The following TAAR2 variants were observed in gnomAD, a reference collection of about 807,000 sequenced individuals.
The protein encoded by TAAR2 is trace amine-associated receptor 2.
TAAR2 carries 30 observed loss-of-function variants against 25.5 expected under a neutral mutation model. The observed-to-expected ratio is 1.18, with a 90% CI of 0.88 to 1.60. The LOEUF (loss-of-function observed/expected upper bound fraction) is 1.60, where lower values mean the gene tolerates loss of function less well. TAAR2 is among the 40% of genes most tolerant of loss of function. The pLI, the probability that TAAR2 is intolerant of heterozygous loss-of-function variation, is 0.00. For missense variants in TAAR2, 481 were observed against 416.5 expected, an observed-to-expected ratio of 1.15 and a Z score of -1.35; for synonymous variants, 150 against 142.4, an observed-to-expected ratio of 1.05 and a Z score of -0.38.
intron 1 of TAAR2, 67 bp downstream of exon 1, chr6:132,624,149 A>G (rs896841482): frequency 6.4e-5 from 93 of 1,444,954 alleles, no homozygotes; most frequent in Non-Finnish European, 8.4e-5. Flanking sequence ...TAAATAATTC[A>G]CATGTTTATG....
Position 132,617,710 on chromosome 6 carries a change from G to T in TAAR2, c.496C>A (p.Leu166Ile), listed in dbSNP as rs1250480991. Reference sequence around the variant, plus strand: ...AATGCTCCAGGGACCGACCAACATAGAAGTAGCAATCTTTTAATGACTGGA... The same window carrying T: ...AATGCTCCAGGGACCGACCAACATATAAGTAGCAATCTTTTAATGACTGGA... Reference protein sequence around the residue: ...TIPVIKRLLLLCWSVPGAFAF... With the variant: ...TIPVIKRLLLICWSVPGAFAF... Residue 166 changes from leucine to isoleucine, a missense_variant, in exon 2 of 2, where the codon CTA (leucine) becomes ATA (isoleucine). Transcript: ENST00000367931. 6.2e-7 allele frequency: 1 copy of T among 1,613,774 alleles called. No homozygotes were observed. The highest frequency in any genetic ancestry group is 8.5e-7 in the Non-Finnish European group (1 of 1,179,984).
Position 132,617,538 on chromosome 6 carries a change from G to T in TAAR2, c.668C>A (p.Ser223Tyr), listed in dbSNP as rs770782356. 3 of 1,613,776 alleles carry T rather than the reference G, an allele frequency of 1.9e-6. No individual in the cohort carries two copies. In the African/African-American group the frequency reaches 4.0e-5, roughly 22 times the overall value. Reference sequence around the variant, plus strand: ...TTTGCCATAAATCCCCACCATCATAGACCCAGGAGTGAAGAAACCTGCCAT... The same window carrying T: ...TTTGCCATAAATCCCCACCATCATATACCCAGGAGTGAAGAAACCTGCCAT... ...LFMAGFFTPG[S>Y]MMVGIYGKIF... The change falls in exon 2 of 2, where the codon TCT (serine) becomes TAT (tyrosine). Residue 223 changes from serine to tyrosine, a missense_variant. By Grantham distance (144) the Ser-to-Tyr change is moderately radical (BLOSUM62 -2). Transcript: ENST00000367931.
Position 132,617,839 on chromosome 6 carries a change from CA to C in TAAR2, c.366del (p.Phe122LeufsTer3). The C allele has an allele frequency of 6.2e-7, 1 of 1,613,996 alleles. No homozygotes were observed. Among genetic ancestry groups the C allele is most frequent in the Non-Finnish European group, 8.5e-7 (1 of 1,179,986 alleles). ...GLTFCKIYYS[F>X]DLMLSITSIF... is the part of the protein sequence containing the mutation. ...ATGGATGTTATGCTAAGCATCAGGT[CA>C]AAACTATAATAAATCTTGCAAAATG... On this transcript the variant is annotated frameshift_variant, in exon 2 of 2. Coordinates refer to ENST00000367931, the MANE Select transcript of TAAR2 (RefSeq NM_001033080.1). LOFTEE classifies it high-confidence loss of function.
intron 1 of TAAR2, among the ~76,000 whole-genome samples, chr6:132,622,283 C>T (rs1236498045): frequency 2.0e-5 from 3 of 151,414 alleles, no homozygotes; most frequent in East Asian, 1.9e-4. Flanking sequence ...ACTACAGAAC[C>T]ATGACCACAA....
chr6:132,622,917 A>G (rs1420637444), intron 1 of TAAR2, among the ~76,000 whole-genome samples: 2 of 152,178 alleles, frequency 1.3e-5, no homozygotes, highest in Non-Finnish European at 2.9e-5. Context: ...TCTATCAAAT[A>G]TTTAAAGTTA....
Position 132,617,353 on chromosome 6 carries a change from C to T in TAAR2, c.853G>A (p.Asp285Asn), listed in dbSNP as rs761676295. ...WFPCFFTILL[D>N]PFLNFSTPVV... ...GGAGTAGAGAAGTTCAAAAAGGGAT[C>T]CAATAAAATTGTGAAGAAACAAGGA... The change falls in exon 2 of 2, where the codon GAT becomes AAT. Residue 285 changes from aspartate (D) to asparagine (N), a missense_variant. Physicochemically the swap from Asp to Asn is conservative, Grantham distance 23. Coordinates refer to ENST00000367931, the MANE Select transcript of TAAR2 (RefSeq NM_001033080.1). 6.2e-7 allele frequency: 1 copy of T among 1,613,472 alleles called. No homozygotes were observed. Among genetic ancestry groups the T allele is most frequent in the Admixed American group, 1.7e-5 (1 of 59,926 alleles).
chr6:132,620,033 C>G (rs1582739706), intron 1 of TAAR2, among the ~76,000 whole-genome samples: 1 of 152,306 alleles, frequency 6.6e-6, no homozygotes, highest in East Asian at 1.9e-4. Flanking sequence ...TGTTGTTCCT[C>G]AAGCCAGTGT....
At position 132,617,559 on chromosome 6, in the gene TAAR2, G is replaced by A. The variant is rs1562194553; in HGVS notation, c.647C>T (p.Ala216Val). The A allele has an allele frequency of 6.2e-7, 1 of 1,613,998 alleles. No homozygotes were observed. Among genetic ancestry groups the A allele is most frequent in the South Asian group, 1.1e-5 (1 of 91,082 alleles). Reference sequence around the variant, plus strand: ...CATAGACCCAGGAGTGAAGAAACCTGCCATAAACAAGGTGGTCCCCCATAG... The same window carrying A: ...CATAGACCCAGGAGTGAAGAAACCTACCATAAACAAGGTGGTCCCCCATAG... ...NKLWGTTLFMAGFFTPGSMMV... is the reference protein window; with the variant it reads ...NKLWGTTLFMVGFFTPGSMMV... Residue 216 changes from alanine to valine, a missense_variant, in exon 2 of 2, where the codon GCA becomes GTA. By Grantham distance (64) the Ala-to-Val change is moderately conservative. Coordinates refer to ENST00000367931, the MANE Select transcript of TAAR2 (RefSeq NM_001033080.1).
Position 132,617,616 on chromosome 6 carries a change from C to T in TAAR2, c.590G>A (p.Cys197Tyr), listed in dbSNP as rs1777314405. The change falls in exon 2 of 2, where the codon TGT (cysteine) becomes TAT (tyrosine). Residue 197 changes from cysteine to tyrosine, a missense_variant. Coordinates refer to ENST00000367931, the MANE Select transcript of TAAR2 (RefSeq NM_001033080.1). Reference protein sequence around the residue: ...GIEGYDILVACSSSCPVMFNK... With the variant: ...GIEGYDILVAYSSSCPVMFNK... ...GAACATCACTGGGCAGGAACTGGAA[C>T]AAGCAACCAAGATGTCATAGCCCTC... 2 of 1,613,880 alleles carry T rather than the reference C, an allele frequency of 1.2e-6. No homozygotes were observed. Among genetic ancestry groups the T allele is most frequent in the African/African-American group, 2.7e-5 (2 of 74,914 alleles).
Position 132,617,329 on chromosome 6 carries a change from G to T in TAAR2, c.877C>A (p.Pro293Thr). The T allele has an allele frequency of 6.2e-7, 1 of 1,613,588 alleles. No homozygotes were observed. Residue 293 changes from proline (P) to threonine (T), a missense_variant, in exon 2 of 2, where the codon CCT (proline) becomes ACT (threonine). By Grantham distance (38) the Pro-to-Thr change is conservative. Transcript: ENST00000367931. Reference sequence around the variant, plus strand: ...GTCAAGGCATCAAACAAAACTACAGGAGTAGAGAAGTTCAAAAAGGGATCC... The same window carrying T: ...GTCAAGGCATCAAACAAAACTACAGTAGTAGAGAAGTTCAAAAAGGGATCC... ...LLDPFLNFST[P>T]VVLFDALTWF... is the part of the protein sequence containing the mutation.
intron 1 of TAAR2, among the ~76,000 whole-genome samples, chr6:132,622,996 T>C (rs768925274): frequency 6.6e-6 from 1 of 152,194 alleles, no homozygotes; most frequent in Non-Finnish European, 1.5e-5. Context: ...ATGCCTGATA[T>C]ATAGCACACT....
intron 1 of TAAR2, among the ~76,000 whole-genome samples, chr6:132,620,913 G>A (rs201613809): frequency 4.6e-3 from 293 of 64,222 alleles, no homozygotes; most frequent in African/African-American, 0.022. Context: ...GAAAAAAGAA[G>A]AGAAGCGAGA....
At chr6:132,622,637 C>T (rs1257258894) in intron 1 of TAAR2, among the ~76,000 whole-genome samples, 1 of 151,730 alleles carries the variant, frequency 6.6e-6, no homozygotes, top group African/African-American at 2.4e-5. Context: ...AGGCACGTGC[C>T]ACCACACCTG....
intron 1 of TAAR2, among the ~76,000 whole-genome samples, chr6:132,619,718 C>G (rs1214862676): frequency 1.3e-5 from 2 of 152,062 alleles, no homozygotes; most frequent in African/African-American, 4.8e-5. Flanking sequence ...ATCACCTGAC[C>G]AAAAAGAGAT....
chr6:132,620,634 A>G (rs1209006823), intron 1 of TAAR2, among the ~76,000 whole-genome samples: 1 of 152,120 alleles, frequency 6.6e-6, no homozygotes, highest in Non-Finnish European at 1.5e-5. Context: ...AGCGGGGAGG[A>G]GGACGGGAGG....
rs763096123 is a variant in TAAR2 at position 132,617,947 on chromosome 6, T to C, written c.259A>G (p.Ile87Val). The change falls in exon 2 of 2, where the codon ATC (isoleucine) becomes GTC (valine). Residue 87 changes from isoleucine to valine, a missense_variant. By Grantham distance (29) the Ile-to-Val change is conservative. Coordinates refer to ENST00000367931, the MANE Select transcript of TAAR2 (RefSeq NM_001033080.1). Reference sequence around the variant, plus strand: ...GTGAATCCCAGGAGGAAATCAGTGATGGCCATGGAGAGGATGAGGAAGTTG... The same window carrying C: ...GTGAATCCCAGGAGGAAATCAGTGACGGCCATGGAGAGGATGAGGAAGTTG... ...PTNFLILSMA[I>V]TDFLLGFTIM... is the part of the protein sequence containing the mutation. The C allele has an allele frequency of 5.0e-6, 8 of 1,613,856 alleles. No homozygotes were observed. The highest frequency in any genetic ancestry group is 2.7e-5 in the African/African-American group (2 of 74,916).
intron 1 of TAAR2, among the ~76,000 whole-genome samples, chr6:132,620,638 C>G (rs9389013): frequency 6.6e-6 from 1 of 151,380 alleles, no homozygotes; most frequent in Admixed American, 6.6e-5. Flanking sequence ...GGGAGGAGGA[C>G]GGGAGGAGGG....
At chr6:132,620,903 G>GA (rs138395502) in intron 1 of TAAR2, among the ~76,000 whole-genome samples, 87,762 of 150,680 alleles carry the variant, frequency 0.58, 26,251 homozygotes, top group African/African-American at 0.73. Flanking sequence ...AAGACAGAAA[G>GA]AAAAAAGAAG....
intron 1 of TAAR2, among the ~76,000 whole-genome samples, chr6:132,619,953 A>G (rs1029752464): frequency 5.3e-5 from 8 of 152,210 alleles, no homozygotes; most frequent in African/African-American, 1.7e-4. Context: ...AGGGACCCCT[A>G]AAACACCGCA....
Sources: allele counts gnomAD v4.1 joint callset (sites outside exome capture counted in the v4.1 genomes callset), GRCh38; gene constraint gnomAD v4.1.1; transcripts MANE v1.5; gene names NCBI Gene and HGNC (gene_info 2026-07-23, HGNC 2026-07-21).